The following CMSS1 variants were observed in gnomAD, a reference collection of about 807,000 sequenced individuals.
CMSS1 encodes protein CMSS1.
Under a neutral mutation model 43.5 loss-of-function variants are expected in CMSS1, and 33 were observed. The observed-to-expected ratio is 0.76, with a 90% CI of 0.57 to 1.01. The LOEUF is 1.01. Ranked by LOEUF, CMSS1 falls within the 50% of genes least tolerant of loss-of-function variation. CMSS1 has a pLI of 0.00. For missense variants in CMSS1, 313 were observed against 326.4 expected, an observed-to-expected ratio of 0.96 and a Z score of 0.32; for synonymous variants, 115 against 117.2, an observed-to-expected ratio of 0.98 and a Z score of 0.12.
At chr3:100,062,695 A>G (rs1199929194) in intron 1 of CMSS1, among the ~76,000 whole-genome samples, 1 of 152,248 alleles carries the variant, frequency 6.6e-6, no homozygotes, top group Non-Finnish European at 1.5e-5. Flanking sequence ...AAGAAATTTA[A>G]AAGCCCCTAT....
At chr3:99,838,767 T>C (rs1162793511) in intron 1 of CMSS1, among the ~76,000 whole-genome samples, 1 of 152,226 alleles carries the variant, frequency 6.6e-6, no homozygotes, top group Non-Finnish European at 1.5e-5. Context: ...TTTAATCTAC[T>C]TATCCCTAAA....
chr3:100,171,753 A>G, intron 6 of CMSS1, 86 bp from the exon 7 acceptor site: 2 of 1,075,280 alleles, frequency 1.9e-6, no homozygotes, highest in Non-Finnish European at 2.9e-6. Context: ...ACATCCTTTG[A>G]ATAAAGCAAG....
At chr3:99,914,285 G>GT (rs928328156) in intron 1 of CMSS1, among the ~76,000 whole-genome samples, 19 of 152,152 alleles carry the variant, frequency 1.2e-4, no homozygotes, top group African/African-American at 3.9e-4. Flanking sequence ...AGCAATGGAA[G>GT]TTTTTTTATT....
chr3:99,858,126 GTATC>G (rs1944062678), intron 1 of CMSS1, among the ~76,000 whole-genome samples: 1 of 152,136 alleles, frequency 6.6e-6, no homozygotes, highest in African/African-American at 2.4e-5. Flanking sequence ...TGTATGGGCT[GTATC>G]TATCTCTTTA....
intron 1 of CMSS1, among the ~76,000 whole-genome samples, chr3:100,046,809 C>T (rs1288169102): frequency 6.6e-6 from 1 of 152,094 alleles, no homozygotes; most frequent in African/African-American, 2.4e-5. Context: ...AATACCTCAG[C>T]CAGGGCCTAA....
intron 1 of CMSS1, chr3:99,924,183 G>A: frequency 6.6e-7 from 1 of 1,522,532 alleles, no homozygotes. Flanking sequence ...ACAGTGGCCA[G>A]CTCATAGATT....
At chr3:99,960,357 G>A (rs1708455392) in intron 1 of CMSS1, among the ~76,000 whole-genome samples, 1 of 152,112 alleles carries the variant, frequency 6.6e-6, no homozygotes, top group South Asian at 2.1e-4. Context: ...GGCAGAACCT[G>A]GATGTCAGAT....
intron 1 of CMSS1, among the ~76,000 whole-genome samples, chr3:99,938,642 T>G (rs995435008): frequency 6.6e-6 from 1 of 152,204 alleles, no homozygotes; most frequent in African/African-American, 2.4e-5. Context: ...AGAGATGTAT[T>G]AAGATTATGG....
intron 1 of CMSS1, among the ~76,000 whole-genome samples, chr3:100,051,845 AT>A (rs886857643): frequency 5.0e-4 from 75 of 148,836 alleles, no homozygotes; most frequent in African/African-American, 1.5e-3. Context: ...TATTATATAT[AT>A]TTTTTATAGT....
chr3:99,988,339 TCCA>T (rs1709409249), intron 1 of CMSS1, among the ~76,000 whole-genome samples: 2 of 28,348 alleles, frequency 7.1e-5, no homozygotes, highest in Non-Finnish European at 1.0e-4. Flanking sequence ...CTACTAAAAA[TCCA>T]AAAAAAAAAA....
At chr3:99,841,218 A>G (rs1943115337) in intron 1 of CMSS1, among the ~76,000 whole-genome samples, 1 of 152,268 alleles carries the variant, frequency 6.6e-6, no homozygotes, top group Admixed American at 6.5e-5. Context: ...TGATTGACAG[A>G]TTGGCCCAGA....
intron 1 of CMSS1, among the ~76,000 whole-genome samples, chr3:100,019,841 T>C (rs927516586): frequency 6.6e-6 from 1 of 152,202 alleles, no homozygotes. Flanking sequence ...TTTCATTTTT[T>C]TAATGTACTT....
At chr3:100,050,716 G>A (rs2065356842) in intron 1 of CMSS1, among the ~76,000 whole-genome samples, 1 of 152,138 alleles carries the variant, frequency 6.6e-6, no homozygotes. Flanking sequence ...TTTTAGTACA[G>A]ATGGGGTTTC....
chr3:100,087,584 C>A (rs2066032419), intron 1 of CMSS1, among the ~76,000 whole-genome samples: 1 of 151,774 alleles, frequency 6.6e-6, no homozygotes, highest in Non-Finnish European at 1.5e-5. Flanking sequence ...TAATTGTTTT[C>A]TTATTATTGA....
At chr3:99,911,439 A>C (rs2107639293) in intron 1 of CMSS1, among the ~76,000 whole-genome samples, 1 of 152,054 alleles carries the variant, frequency 6.6e-6, no homozygotes, top group South Asian at 2.1e-4. Context: ...AGGTTCTCTA[A>C]CAACTTGCCA....
chr3:99,897,698 G>C (rs1483093844), intron 1 of CMSS1, among the ~76,000 whole-genome samples: 2 of 152,132 alleles, frequency 1.3e-5, no homozygotes, highest in African/African-American at 2.4e-5. Flanking sequence ...ATGAGGTTCT[G>C]AGCTGGTTAG....
In CMSS1 at chr3:100,005,315, G is replaced by C. The variant is rs899282856; in HGVS notation, c.65-141658G>C. ...CTGCTTGACTACTGTCACTCAAACA[G>C]GCTGTCTTGAAAAAGGTGAAGCTGG... On this transcript the variant is annotated intron_variant, in intron 1 of 9. Coordinates refer to ENST00000421999, the MANE Select transcript of CMSS1 (RefSeq NM_032359.4). Among the ~76,000 whole-genome samples the C allele has an allele frequency of 2.0e-5, 3 of 152,190 alleles. No individual in the cohort carries two copies. In the South Asian group the frequency reaches 6.2e-4, roughly 31 times the overall value.
intron 1 of CMSS1, among the ~76,000 whole-genome samples, chr3:99,818,671 T>G (rs187132666): frequency 1.3e-5 from 2 of 152,328 alleles, no homozygotes; most frequent in African/African-American, 4.8e-5. Context: ...GAGATCATCC[T>G]TTGAACTCAC....
chr3:100,164,787 A>G (rs1384633688), intron 4 of CMSS1, among the ~76,000 whole-genome samples: 1 of 152,194 alleles, frequency 6.6e-6, no homozygotes, highest in Non-Finnish European at 1.5e-5. Flanking sequence ...TAAGGTAGAT[A>G]TAAATAATAA....
Sources: allele counts gnomAD v4.1 joint callset (sites outside exome capture counted in the v4.1 genomes callset), GRCh38; gene constraint gnomAD v4.1.1; transcripts MANE v1.5; gene names NCBI Gene and HGNC (gene_info 2026-07-23, HGNC 2026-07-21).